NEDD9: variants seen among roughly 807,000 people sequenced by gnomAD.
The protein encoded by NEDD9 is neural precursor cell expressed, developmentally down-regulated 9.
Under a neutral mutation model 76.6 loss-of-function variants are expected in NEDD9, and 26 were observed. That is an observed-to-expected ratio of 0.34 (90% CI 0.25 to 0.47). The LOEUF (loss-of-function observed/expected upper bound fraction) is 0.47, where lower values mean the gene tolerates loss of function less well. NEDD9 is among the 20% of genes least tolerant of loss of function. The pLI, the probability that NEDD9 is intolerant of heterozygous loss-of-function variation, is 1.00. For synonymous variants in NEDD9, 392 were observed against 414.2 expected (o/e 0.95, Z 0.65); for missense variants, 937 against 1,058.5 (o/e 0.89, Z 1.59).
At chr6:11,334,875 T>G (rs767695104) in intron 1 of NEDD9, among the ~76,000 whole-genome samples, 10 of 152,154 alleles carry the variant, frequency 6.6e-5, no homozygotes, top group Non-Finnish European at 1.5e-4. Flanking sequence ...CACTAACAAA[T>G]GTACAGTGCA....
chr6:11,319,520 G>GCACACT (rs139338436), intron 2 of NEDD9, among the ~76,000 whole-genome samples: 80,963 of 146,610 alleles, frequency 0.55, 22,419 homozygotes, highest in East Asian at 0.74. Context: ...ACACTAACAT[G>GCACACT]CACACTCACA....
chr6:11,338,400 G>A (rs1561840357), intron 1 of NEDD9, among the ~76,000 whole-genome samples: 1 of 152,154 alleles, frequency 6.6e-6, no homozygotes, highest in East Asian at 1.9e-4. Flanking sequence ...TTAGTCTCCA[G>A]AACTGGGAGA....
intron 3 of NEDD9, among the ~76,000 whole-genome samples, chr6:11,276,942 G>GAAACAAACAAACAAACAAAC (rs148488654): frequency 2.7e-5 from 4 of 150,114 alleles, no homozygotes; most frequent in African/African-American, 5.0e-5. Context: ...ACAGGATCTG[G>GAAACAAACAAACAAACAAAC]AAACAAACAA....
intron 2 of NEDD9, among the ~76,000 whole-genome samples, chr6:11,327,502 C>T (rs973997696): frequency 2.0e-5 from 3 of 152,214 alleles, no homozygotes; most frequent in Non-Finnish European, 4.4e-5. Context: ...TTTGAGTCCC[C>T]TCCAGTATCT....
rs577706006 is a variant in NEDD9 at position 11,362,276 on chromosome 6, C to A, written c.-214+19863G>T. Among the ~76,000 whole-genome samples, 56 of 152,318 alleles carry A rather than the reference C, an allele frequency of 3.7e-4. 1 individual carries two copies. In the South Asian group the frequency reaches 0.012, roughly 32 times the overall value. On this transcript the variant is annotated intron_variant, in intron 1 of 3. Transcript: ENST00000397378. ...GCACCCTATTTCAGAATGTTAGTCT[C>A]CAGAACTGTAAGAAATAAACATATG...
chr6:11,193,812 G>C, intron 2 of NEDD9, 120 bp from the exon 3 acceptor site: 1 of 571,784 alleles, frequency 1.7e-6, no homozygotes. Context: ...AGAAACCAAA[G>C]AAAGAAGACA....
chr6:11,275,565 C>CACACACATATATATAT (rs551632582), intron 3 of NEDD9, among the ~76,000 whole-genome samples: 2,192 of 150,098 alleles, frequency 0.015, 24 homozygotes, highest in Middle Eastern at 0.076. Flanking sequence ...CACACACACA[C>CACACACATATATATAT]ATATATATAT....
At position 11,188,308 on chromosome 6, in the gene NEDD9, C is replaced by G; in HGVS notation, c.1906-1G>C. The G allele has an allele frequency of 6.2e-7, 1 of 1,611,648 alleles. No individual in the cohort carries two copies. Among genetic ancestry groups the G allele is most frequent in the Non-Finnish European group, 8.5e-7 (1 of 1,177,764 alleles). ...GTTGCCTCTCAAACTCCTCCTTACCCTGTTAATTTTCAACATAAAGAACAT... is the reference window on the plus strand; with the variant it reads ...GTTGCCTCTCAAACTCCTCCTTACCGTGTTAATTTTCAACATAAAGAACAT... On this transcript the variant is annotated splice_acceptor_variant, in intron 5 of 6. Coordinates refer to ENST00000379446, the MANE Select transcript of NEDD9 (RefSeq NM_006403.4). LOFTEE classifies it high-confidence loss of function.
At chr6:11,292,784 A>C (rs557537904) in intron 3 of NEDD9, among the ~76,000 whole-genome samples, 1 of 152,342 alleles carries the variant, frequency 6.6e-6, no homozygotes, top group Non-Finnish European at 1.5e-5. Context: ...CACAGAACTC[A>C]TGACAAGGAG....
rs1252419949 is a variant in NEDD9, at chr6:11,342,006, A to G, written c.-213-7445T>C. Among the ~76,000 whole-genome samples, 4 of 152,180 alleles carry G rather than the reference A, an allele frequency of 2.6e-5. No homozygotes were observed. In the East Asian group the frequency reaches 7.7e-4, roughly 29 times the overall value. On this transcript the variant is annotated intron_variant, in intron 1 of 3. Transcript: ENST00000397378. ...TTTTAGTAGATAAATGGGAACCCTA[A>G]AAAGAAACAAATGGAAATTCTAGAA...
chr6:11,205,556 C>T (rs1229705796), intron 2 of NEDD9, among the ~76,000 whole-genome samples: 1 of 152,044 alleles, frequency 6.6e-6, no homozygotes, highest in Non-Finnish European at 1.5e-5. Context: ...CTTCAAAAAA[C>T]TGATATACTG....
At chr6:11,255,351 A>C (rs1199816613) in intron 3 of NEDD9, among the ~76,000 whole-genome samples, 1 of 152,232 alleles carries the variant, frequency 6.6e-6, no homozygotes, top group Non-Finnish European at 1.5e-5. Flanking sequence ...CCAATGCATA[A>C]ATTAATGTAA....
intron 3 of NEDD9, among the ~76,000 whole-genome samples, chr6:11,282,569 C>T (rs146814664): frequency 2.2e-4 from 34 of 152,346 alleles, no homozygotes; most frequent in Non-Finnish European, 3.4e-4. Context: ...CCTCCTCCAA[C>T]CTTCTCCATG....
intron 1 of NEDD9, among the ~76,000 whole-genome samples, chr6:11,355,912 G>A (rs12198640): frequency 0.3 from 45,034 of 151,504 alleles, 6,940 homozygotes; most frequent in African/African-American, 0.38. Context: ...TAGTAGAGAC[G>A]GGGTTTCACC....
chr6:11,228,558 G>A (rs1366080520), intron 1 of NEDD9, among the ~76,000 whole-genome samples: 1 of 48,936 alleles, frequency 2.0e-5, no homozygotes, highest in Non-Finnish European at 3.6e-5. Context: ...AAGTGGAGAG[G>A]AAGGTGTTTT....
At position 11,194,583 on chromosome 6, in the gene NEDD9, G is replaced by A. The variant is rs533479116; in HGVS notation, c.460-891C>T. Among the ~76,000 whole-genome samples, 7 of 152,198 alleles carry A rather than the reference G, an allele frequency of 4.6e-5. No homozygotes were observed. In the East Asian group the frequency reaches 5.8e-4, roughly 13 times the overall value. On this transcript the variant is annotated intron_variant, in intron 2 of 6. Coordinates refer to ENST00000379446, the MANE Select transcript of NEDD9 (RefSeq NM_006403.4). ...AACCTCTGGGAGCTTTCATTCTAAC[G>A]TATCAAACAAACAAAATACTGAGTC...
chr6:11,233,924 C>T (rs1304685296), upstream of NEDD9, among the ~76,000 whole-genome samples: 2 of 151,966 alleles, frequency 1.3e-5, no homozygotes, highest in African/African-American at 4.8e-5. Flanking sequence ...AATCTGATTC[C>T]CTTCGCGTCT....
intron 3 of NEDD9, among the ~76,000 whole-genome samples, chr6:11,285,920 G>A (rs137995574): frequency 2.2e-4 from 33 of 152,236 alleles, no homozygotes; most frequent in Non-Finnish European, 3.8e-4. Flanking sequence ...AAATGTTTGT[G>A]ACTTTGGGTA....
At chr6:11,197,125 T>G (rs1490904039) in intron 2 of NEDD9, among the ~76,000 whole-genome samples, 1 of 152,198 alleles carries the variant, frequency 6.6e-6, no homozygotes, top group African/African-American at 2.4e-5. Context: ...GACCTCAAGT[T>G]TGGAAGAATT....
Sources: gnomAD v4.1 joint callset for allele counts (sites outside exome capture counted in the v4.1 genomes callset) on GRCh38, gnomAD v4.1.1 for gene constraint, MANE v1.5 for transcripts, NCBI Gene and HGNC (gene_info 2026-07-23, HGNC 2026-07-21) for gene names.